The following FGF14 variants were observed in gnomAD, a reference collection of about 807,000 sequenced individuals.
FGF14 encodes fibroblast growth factor homologous factor 4.
Under a neutral mutation model 25.5 loss-of-function variants are expected in FGF14, and 5 were observed. The observed-to-expected ratio is 0.20, with a 90% CI of 0.10 to 0.41. The LOEUF is 0.41. FGF14 is among the 10% of genes least tolerant of loss of function. The pLI, the probability that FGF14 is intolerant of heterozygous loss-of-function variation, is 1.00. For synonymous variants in FGF14, 138 were observed against 118.3 expected (o/e 1.17, Z -1.08); for missense variants, 222 against 320.1 (o/e 0.69, Z 2.34).
chr13:102,103,642 A>G (rs997870838), intron 1 of FGF14, among the ~76,000 whole-genome samples: 2 of 152,194 alleles, frequency 1.3e-5, no homozygotes, highest in East Asian at 1.9e-4. Context: ...TCAAAGCCCA[A>G]CAAGATCTCC....
At chr13:102,117,800 ATG>A (rs2140348903) in intron 1 of FGF14, among the ~76,000 whole-genome samples, 1 of 152,326 alleles carries the variant, frequency 6.6e-6, no homozygotes, top group South Asian at 2.1e-4. Context: ...TAAGAAAAAT[ATG>A]TGTAAGTTTA....
At chr13:101,821,044 A>G (rs6491648) in intron 3 of FGF14, among the ~76,000 whole-genome samples, 95,075 of 143,092 alleles carry the variant, frequency 0.66, 31,993 homozygotes, top group African/African-American at 0.75. Context: ...GCCCCCCGGG[A>G]TTCACGCCAT....
intron 3 of FGF14, among the ~76,000 whole-genome samples, chr13:101,849,005 C>T (rs2043609121): frequency 1.3e-5 from 2 of 152,002 alleles, no homozygotes; most frequent in Admixed American, 6.6e-5. Flanking sequence ...CTTTCTCGCT[C>T]ATTTTTTGTA....
chr13:102,334,528 T>C (rs749719986), intron 1 of FGF14, among the ~76,000 whole-genome samples: 5 of 152,080 alleles, frequency 3.3e-5, no homozygotes, highest in Non-Finnish European at 5.9e-5. Flanking sequence ...CTCAGTGAAA[T>C]AAAACAAATG....
chr13:101,811,029 T>C, intron 3 of FGF14, among the ~76,000 whole-genome samples: 1 of 60,568 alleles, frequency 1.7e-5, no homozygotes, highest in African/African-American at 4.1e-5. Flanking sequence ...AACACACATA[T>C]CCGCCCCCCC....
intron 3 of FGF14, among the ~76,000 whole-genome samples, chr13:101,743,420 T>C (rs980383279): frequency 1.3e-5 from 2 of 152,166 alleles, no homozygotes; most frequent in Non-Finnish European, 2.9e-5. Context: ...TTAAGGCTTT[T>C]TAATTAATTA....
At chr13:101,855,772 T>C (rs912597971) in intron 3 of FGF14, among the ~76,000 whole-genome samples, 14 of 151,966 alleles carry the variant, frequency 9.2e-5, no homozygotes, top group African/African-American at 3.4e-4. Context: ...AACCAGAGTG[T>C]AATTTAACAT....
chr13:101,735,201 T>A (rs552709920), intron 3 of FGF14, among the ~76,000 whole-genome samples: 1 of 152,204 alleles, frequency 6.6e-6, no homozygotes, highest in African/African-American at 2.4e-5. Context: ...CCACTTGGTC[T>A]TAGTTTCACA....
chr13:101,997,552 A>T (rs151209894), intron 1 of FGF14, among the ~76,000 whole-genome samples: 1 of 152,356 alleles, frequency 6.6e-6, no homozygotes, highest in East Asian at 1.9e-4. Flanking sequence ...GCTTAAAAGC[A>T]GATTGCTGGA....
intron 1 of FGF14, among the ~76,000 whole-genome samples, chr13:102,161,661 G>GTC (rs1566765399): frequency 0.043 from 1,136 of 26,274 alleles, 79 homozygotes; most frequent in East Asian, 0.1. Context: ...AGAAGAAGAA[G>GTC]AAGAAGAAGA....
At chr13:102,265,340 G>A (rs540971099) in intron 1 of FGF14, among the ~76,000 whole-genome samples, 7 of 152,192 alleles carry the variant, frequency 4.6e-5, no homozygotes, top group East Asian at 1.9e-4. Context: ...CAAACATGGC[G>A]GGAGGTGAGG....
At chr13:102,370,332 C>T (rs750076260) in intron 1 of FGF14, among the ~76,000 whole-genome samples, 1 of 152,098 alleles carries the variant, frequency 6.6e-6, no homozygotes, top group Non-Finnish European at 1.5e-5. Context: ...ATGAAAAGAA[C>T]TATACATTAT....
intron 4 of FGF14, among the ~76,000 whole-genome samples, chr13:101,725,939 T>C (rs955341554): frequency 3.3e-5 from 5 of 152,084 alleles, no homozygotes; most frequent in African/African-American, 9.7e-5. Flanking sequence ...GGTATCTGAT[T>C]GGAGTAAATG....
At chr13:101,994,154 T>C (rs2039055873) in intron 1 of FGF14, among the ~76,000 whole-genome samples, 1 of 152,022 alleles carries the variant, frequency 6.6e-6, no homozygotes, top group Admixed American at 6.6e-5. Context: ...TGTATGTACA[T>C]GTGTTTATGT....
chr13:102,269,618 G>C (rs2053150736), intron 1 of FGF14, among the ~76,000 whole-genome samples: 2 of 152,014 alleles, frequency 1.3e-5, no homozygotes, highest in Admixed American at 6.6e-5. Context: ...TGAACTCCTG[G>C]GTTCCAGTGA....
intron 3 of FGF14, among the ~76,000 whole-genome samples, chr13:101,763,911 T>C (rs1029422566): frequency 2.6e-5 from 4 of 151,678 alleles, no homozygotes; most frequent in Admixed American, 1.3e-4. Flanking sequence ...GAGCAGCAGA[T>C]TGAGACTGGC....
chr13:101,838,168 C>T (rs1227854797), intron 3 of FGF14, among the ~76,000 whole-genome samples: 2 of 151,964 alleles, frequency 1.3e-5, no homozygotes, highest in Admixed American at 6.6e-5. Flanking sequence ...TTTATGTATA[C>T]ACCTGTCCTA....
Position 102,338,367 on chromosome 13 carries a change from C to T in FGF14, c.208+63104G>A, listed in dbSNP as rs532048149. 1.6e-3 allele frequency among the ~76,000 whole-genome samples: 237 copies of T among 152,254 alleles called. 2 individuals are homozygous for T. Among genetic ancestry groups the T allele is most frequent in the South Asian group, 3.7e-3 (18 of 4,826 alleles). On this transcript the variant is annotated intron_variant, in intron 1 of 4. Transcript: ENST00000376131. ...GATGTAAACAGTTAAGTTTCTGCTT[C>T]CTTAAAAGGAGACTGGAGAATCCTG...
intron 1 of FGF14, among the ~76,000 whole-genome samples, chr13:102,111,451 A>G (rs1339501263): frequency 6.6e-6 from 1 of 152,200 alleles, no homozygotes; most frequent in Non-Finnish European, 1.5e-5. Context: ...ATGGTGGCTC[A>G]TGCCTGTAAT....
Sources: gnomAD v4.1 joint callset for allele counts (sites outside exome capture counted in the v4.1 genomes callset) on GRCh38, gnomAD v4.1.1 for gene constraint, MANE v1.5 for transcripts, NCBI Gene and HGNC (gene_info 2026-07-23, HGNC 2026-07-21) for gene names.